GALNT13: variants seen among roughly 807,000 people sequenced by gnomAD.
GALNT13 encodes UDP-GalNAc:polypeptide N-acetylgalactosaminyltransferase 13.
GALNT13 carries 28 observed loss-of-function variants against 64.2 expected under a neutral mutation model. The ratio of observed to expected loss-of-function variants is 0.44; its 90% CI spans 0.32 to 0.60. The LOEUF (loss-of-function observed/expected upper bound fraction) is 0.60, where lower values mean the gene tolerates loss of function less well. Ranked by LOEUF, GALNT13 falls within the 20% of genes least tolerant of loss-of-function variation. GALNT13 has a pLI of 0.05. For synonymous variants in GALNT13, 214 were observed against 224.6 expected (o/e 0.95, Z 0.42); for missense variants, 577 against 669.8 (o/e 0.86, Z 1.53).
At chr2:154,431,454 G>A (rs1194490238) in intron 11 of GALNT13, among the ~76,000 whole-genome samples, 1 of 152,120 alleles carries the variant, frequency 6.6e-6, no homozygotes, top group East Asian at 1.9e-4. Context: ...AAAAAATGTG[G>A]ACACCTAGTC....
chr2:153,758,537 A>C, the GALNT13 span, among the ~76,000 whole-genome samples: 1 of 152,112 alleles, frequency 6.6e-6, no homozygotes, highest in Non-Finnish European at 1.5e-5. Context: ...ATGAATTTAC[A>C]TTTCGGTAGA....
chr2:153,884,395 G>A (rs1006711773), intron 1 of GALNT13, among the ~76,000 whole-genome samples: 1 of 151,836 alleles, frequency 6.6e-6, no homozygotes, highest in Non-Finnish European at 1.5e-5. Context: ...AGATTCCATT[G>A]TAGAGCTAAT....
At chr2:154,391,070 C>T (rs1051452502) in intron 9 of GALNT13, among the ~76,000 whole-genome samples, 1 of 152,200 alleles carries the variant, frequency 6.6e-6, no homozygotes, top group Non-Finnish European at 1.5e-5. Context: ...CTCTTTTACG[C>T]TCACACTCTA....
chr2:153,350,163 C>G, the GALNT13 span, among the ~76,000 whole-genome samples: 1 of 151,948 alleles, frequency 6.6e-6, no homozygotes, highest in Non-Finnish European at 1.5e-5. Context: ...ATTATTACCA[C>G]GCATTTCTTT....
intron 4 of GALNT13, among the ~76,000 whole-genome samples, chr2:154,240,054 T>C (rs1379794302): frequency 6.6e-6 from 1 of 152,214 alleles, no homozygotes; most frequent in Non-Finnish European, 1.5e-5. Flanking sequence ...CAGAATATTT[T>C]ACATAAAAAA....
intron 9 of GALNT13, among the ~76,000 whole-genome samples, chr2:154,318,438 A>G (rs1358908358): frequency 6.6e-6 from 1 of 152,190 alleles, no homozygotes. Flanking sequence ...AGAAATTATT[A>G]GATTAGTCTG....
At chr2:153,464,506 C>T in the GALNT13 span, among the ~76,000 whole-genome samples, 5 of 151,976 alleles carry the variant, frequency 3.3e-5, no homozygotes, top group South Asian at 2.1e-4. Flanking sequence ...GATATTCTTC[C>T]GGGCTATGTT....
chr2:153,993,914 C>T (rs1320304504), intron 3 of GALNT13, among the ~76,000 whole-genome samples: 2 of 151,562 alleles, frequency 1.3e-5, no homozygotes, highest in East Asian at 1.9e-4. Context: ...TAATTGTTTT[C>T]TTTTTTTTGT....
At chr2:153,400,353 C>T in the GALNT13 span, among the ~76,000 whole-genome samples, 7 of 152,242 alleles carry the variant, frequency 4.6e-5, no homozygotes, top group African/African-American at 7.2e-5. Flanking sequence ...ATTTGTGCAT[C>T]GATGTTCTTC....
intron 9 of GALNT13, among the ~76,000 whole-genome samples, chr2:154,319,439 G>C (rs1047646248): frequency 4.6e-5 from 7 of 152,140 alleles, no homozygotes. Flanking sequence ...GCCGAGGTGG[G>C]TGGATCACTT....
At chr2:153,620,478 G>A in the GALNT13 span, among the ~76,000 whole-genome samples, 3 of 151,690 alleles carry the variant, frequency 2.0e-5, no homozygotes, top group Non-Finnish European at 4.4e-5. Context: ...TCCTCTGACT[G>A]TCTATTTTGA....
the GALNT13 span, among the ~76,000 whole-genome samples, chr2:153,147,822 G>C: frequency 4.4e-4 from 67 of 151,868 alleles, no homozygotes; most frequent in African/African-American, 1.5e-3. Context: ...TAGTTGGTCT[G>C]CAAAATGTTT....
At chr2:153,443,784 G>A in the GALNT13 span, among the ~76,000 whole-genome samples, 9 of 152,094 alleles carry the variant, frequency 5.9e-5, no homozygotes, top group Non-Finnish European at 1.0e-4. Flanking sequence ...TTAGCCGGGC[G>A]TGATGGTGGG....
chr2:153,535,160 T>C, the GALNT13 span, among the ~76,000 whole-genome samples: 1 of 152,010 alleles, frequency 6.6e-6, no homozygotes, highest in African/African-American at 2.4e-5. Context: ...ATTGTGGGGA[T>C]GTTAGAAGAA....
chr2:153,204,364 A>C, the GALNT13 span, among the ~76,000 whole-genome samples: 2 of 151,918 alleles, frequency 1.3e-5, no homozygotes, highest in African/African-American at 4.8e-5. Context: ...TTCACAGAAG[A>C]AAGGCTTCTG....
At chr2:153,068,759 A>G in the GALNT13 span, among the ~76,000 whole-genome samples, 3 of 152,212 alleles carry the variant, frequency 2.0e-5, no homozygotes, top group Non-Finnish European at 4.4e-5. Context: ...TTTAAGTAGC[A>G]TAGGTATAGA....
the GALNT13 span, among the ~76,000 whole-genome samples, chr2:153,497,420 T>C: frequency 6.6e-6 from 1 of 152,038 alleles, no homozygotes; most frequent in Non-Finnish European, 1.5e-5. Context: ...CTCCTGCTGC[T>C]TATTGGTGCT....
At chr2:153,827,230 T>A in the GALNT13 span, among the ~76,000 whole-genome samples, 2 of 152,182 alleles carry the variant, frequency 1.3e-5, no homozygotes, top group East Asian at 3.9e-4. Context: ...CTCACTATCA[T>A]GAGAACAGCA....
intron 11 of GALNT13, among the ~76,000 whole-genome samples, chr2:154,427,003 A>G (rs1181982167): frequency 6.6e-6 from 1 of 152,224 alleles, no homozygotes; most frequent in East Asian, 1.9e-4. Flanking sequence ...AAAAGAATAT[A>G]AAAACCAATA....
Sources: gnomAD v4.1 joint callset for allele counts (sites outside exome capture counted in the v4.1 genomes callset) on GRCh38, gnomAD v4.1.1 for gene constraint, MANE v1.5 for transcripts, NCBI Gene and HGNC (gene_info 2026-07-23, HGNC 2026-07-21) for gene names.